GABRB3: variants seen among roughly 807,000 people sequenced by gnomAD.
GABRB3 encodes the protein gamma-aminobutyric acid type A receptor subunit beta3, also known as gamma-aminobutyric acid receptor subunit beta-3.
Under a neutral mutation model 52.1 loss-of-function variants are expected in GABRB3, and 14 were observed. The ratio of observed to expected loss-of-function variants is 0.27; its 90% CI spans 0.18 to 0.42. The LOEUF is 0.42. Ranked by LOEUF, GABRB3 falls within the 10% of genes least tolerant of loss-of-function variation. The pLI, the probability that GABRB3 is intolerant of heterozygous loss-of-function variation, is 1.00. For synonymous variants in GABRB3, 260 were observed against 232.3 expected (o/e 1.12, Z -1.08); for missense variants, 307 against 609.1 (o/e 0.50, Z 5.22).
At chr15:26,625,371 T>C (rs1457281008) in intron 3 of GABRB3, 1 of 576,866 alleles carries the variant, frequency 1.7e-6, no homozygotes, top group Non-Finnish European at 2.2e-6. Flanking sequence ...AAAGAAGCTT[T>C]GTAAAAGTAT....
chr15:26,762,980 AT>A (rs1890860683), intron 3 of GABRB3, among the ~76,000 whole-genome samples: 1 of 152,246 alleles, frequency 6.6e-6, no homozygotes, highest in African/African-American at 2.4e-5. Context: ...TAACTGCAGA[AT>A]GCTTAAGAGC....
chr15:26,568,449 TGCCA>T (rs1890260622), intron 6 of GABRB3, among the ~76,000 whole-genome samples: 1 of 152,070 alleles, frequency 6.6e-6, no homozygotes, highest in African/African-American at 2.4e-5. Context: ...CCATTTATCA[TGCCA>T]CATTCAGCGC....
At chr15:26,670,866 C>A (rs923226655) in intron 3 of GABRB3, among the ~76,000 whole-genome samples, 3 of 152,196 alleles carry the variant, frequency 2.0e-5, no homozygotes, top group Non-Finnish European at 4.4e-5. Flanking sequence ...CACACAGCTA[C>A]TCTATGAGAT....
chr15:26,554,162 TATATATATATAAA>T, intron 8 of GABRB3, among the ~76,000 whole-genome samples: 1 of 13,418 alleles, frequency 7.5e-5, no homozygotes, highest in African/African-American at 2.6e-4. Flanking sequence ...ATATATAAAG[TATATATATATAAA>T]GTATATATAT....
chr15:26,751,149 G>C (rs549971358), intron 3 of GABRB3, among the ~76,000 whole-genome samples: 5 of 152,150 alleles, frequency 3.3e-5, no homozygotes, highest in Non-Finnish European at 4.4e-5. Context: ...CAAAATCTGA[G>C]CTTTTGTATT....
rs1422008540 is a variant in GABRB3 at position 26,739,351 on chromosome 15, A to G, written c.240+33051T>C. Among the ~76,000 whole-genome samples, 5 of 152,032 alleles carry G rather than the reference A, an allele frequency of 3.3e-5. No individual in the cohort carries two copies. In the East Asian group the frequency reaches 9.7e-4, roughly 29 times the overall value. ...TGCTTGTTTCAGAAGTGCCGAGTAG[A>G]AGGAATAGTTAACTTCCCTAAAAAT... On this transcript the variant is annotated intron_variant, in intron 3 of 8. Coordinates refer to ENST00000311550, the MANE Select transcript of GABRB3 (RefSeq NM_000814.6).
chr15:26,580,667 A>G, intron 5 of GABRB3: 1 of 679,070 alleles, frequency 1.5e-6, no homozygotes, highest in Non-Finnish European at 2.6e-6. Context: ...GTTGGTACTG[A>G]AAAGTCGAGA....
chr15:26,723,180 T>A (rs1363173016), intron 3 of GABRB3, among the ~76,000 whole-genome samples: 1 of 152,218 alleles, frequency 6.6e-6, no homozygotes, highest in Non-Finnish European at 1.5e-5. Flanking sequence ...CCACTCCATT[T>A]GCAGAAGACA....
At chr15:26,730,026 C>T (rs1286907733) in intron 3 of GABRB3, among the ~76,000 whole-genome samples, 9 of 152,076 alleles carry the variant, frequency 5.9e-5, no homozygotes, top group Non-Finnish European at 1.3e-4. Context: ...ATGGCCTGGC[C>T]GTGTCAGGCA....
intron 3 of GABRB3, among the ~76,000 whole-genome samples, chr15:26,649,031 G>A (rs1364459621): frequency 2.6e-5 from 4 of 152,056 alleles, no homozygotes; most frequent in Non-Finnish European, 5.9e-5. Context: ...AAAGGGTCTG[G>A]GCGAGCAGGG....
At chr15:26,655,052 G>T (rs1236011389) in intron 3 of GABRB3, among the ~76,000 whole-genome samples, 1 of 151,998 alleles carries the variant, frequency 6.6e-6, no homozygotes, top group Non-Finnish European at 1.5e-5. Flanking sequence ...GTTTATTGTA[G>T]AATGTTTATA....
intron 8 of GABRB3, among the ~76,000 whole-genome samples, chr15:26,555,003 C>T (rs1489578837): frequency 6.6e-6 from 1 of 152,024 alleles, no homozygotes; most frequent in Non-Finnish European, 1.5e-5. Flanking sequence ...CATGATGAAA[C>T]CCTGTCTCTA....
chr15:26,575,039 T>A (rs1178341313), intron 6 of GABRB3, among the ~76,000 whole-genome samples: 15 of 152,208 alleles, frequency 9.9e-5, no homozygotes, highest in Non-Finnish European at 2.2e-4. Context: ...TTTCTTTTCC[T>A]CCTACTTTGG....
intron 4 of GABRB3, among the ~76,000 whole-genome samples, chr15:26,608,454 C>T (rs1891925413): frequency 6.6e-6 from 1 of 152,022 alleles, no homozygotes; most frequent in Non-Finnish European, 1.5e-5. Flanking sequence ...ACAAATGAGA[C>T]TACATCAAAC....
rs932116258 is a variant in GABRB3, at chr15:26,734,778, A to T, written c.240+37624T>A. Among the ~76,000 whole-genome samples, 7 of 152,190 alleles carry T rather than the reference A, an allele frequency of 4.6e-5. No individual in the cohort carries two copies. In the East Asian group the frequency reaches 1.4e-3, roughly 29 times the overall value. On this transcript the variant is annotated intron_variant, in intron 3 of 8. Coordinates refer to ENST00000311550, the MANE Select transcript of GABRB3 (RefSeq NM_000814.6). ...CACAGCAAGACCCCATCTCTAAAAA[A>T]TTTATCTTGGAGTGGTGGTGTGTAC... is the stretch of plus-strand genomic sequence containing the variant.
At chr15:26,674,400 C>CAAAAAA (rs55723767) in intron 3 of GABRB3, among the ~76,000 whole-genome samples, 59 of 86,708 alleles carry the variant, frequency 6.8e-4, no homozygotes, top group East Asian at 9.4e-4. Flanking sequence ...GACTCAGTTT[C>CAAAAAA]AAAAAAAAAA....
At chr15:26,707,377 A>C (rs1055351612) in intron 3 of GABRB3, among the ~76,000 whole-genome samples, 2 of 152,224 alleles carry the variant, frequency 1.3e-5, no homozygotes, top group Non-Finnish European at 2.9e-5. Flanking sequence ...CCAGGCAAGA[A>C]ATGGCAAGAT....
At chr15:26,675,987 A>T (rs1237578970) in intron 3 of GABRB3, among the ~76,000 whole-genome samples, 3 of 152,172 alleles carry the variant, frequency 2.0e-5, no homozygotes, top group African/African-American at 7.2e-5. Context: ...TGAGTTCAGA[A>T]AGGCCTGATT....
chr15:26,722,794 G>T (rs1394287306), intron 3 of GABRB3, among the ~76,000 whole-genome samples: 2 of 152,090 alleles, frequency 1.3e-5, no homozygotes, highest in Admixed American at 1.3e-4. Context: ...TGAGTCACTG[G>T]ATCCGAGGGC....
Sources: allele counts gnomAD v4.1 joint callset (sites outside exome capture counted in the v4.1 genomes callset), GRCh38; gene constraint gnomAD v4.1.1; transcripts MANE v1.5; gene names NCBI Gene and HGNC (gene_info 2026-07-23, HGNC 2026-07-21).